Variants in MTMR12 observed in about 807,000 individuals in gnomAD.
MTMR12 encodes myotubularin-related protein 12.
A neutral mutation model predicts 96.7 loss-of-function variants in MTMR12; 33 were observed. The observed-to-expected ratio is 0.34, with a 90% CI of 0.26 to 0.46. The LOEUF is 0.46. MTMR12 is among the 20% of genes least tolerant of loss of function. The probability of loss-of-function intolerance (pLI) is 1.00; values close to 1 mark genes in which losing one functional copy is unlikely to be tolerated. For synonymous variants in MTMR12, 298 were observed against 327.2 expected (o/e 0.91, Z 0.96); for missense variants, 721 against 896.1 (o/e 0.80, Z 2.49).
At chr5:32,308,124 C>A (rs1486199358) in intron 1 of MTMR12, among the ~76,000 whole-genome samples, 1 of 152,128 alleles carries the variant, frequency 6.6e-6, no homozygotes, top group Non-Finnish European at 1.5e-5. Flanking sequence ...GAGTTCGAGA[C>A]CAGCCTGGCC....
Position 32,296,300 on chromosome 5 carries a change from G to A in MTMR12, c.81+16458C>T, listed in dbSNP as rs1166592392. The stretch of plus-strand genomic sequence containing the variant: ...TCGAGATCAGCCTGGGTAACATAGT[G>A]AGACCTTGTTTTTACAAAAAATGAA... On this transcript the variant is annotated intron_variant, in intron 1 of 15. Transcript: ENST00000382142. 1.9e-5 allele frequency: 3 copies of A among 160,722 alleles called. No individual in the cohort carries two copies. In the East Asian group the frequency reaches 5.8e-4, roughly 31 times the overall value. The allele number at this position is 160,722 out of a possible 1,614,324, so 10.0% of individuals were successfully genotyped here.
intron 13 of MTMR12, 62 bp downstream of exon 13, chr5:32,238,939 A>G (rs1748347315): frequency 6.9e-7 from 1 of 1,439,684 alleles, no homozygotes; most frequent in Non-Finnish European, 9.2e-7. Flanking sequence ...GATGACAGGT[A>G]TTAAATAAGA....
At chr5:32,230,435 G>A (rs765361501) in intron 15 of MTMR12, 88 bp from the exon 16 acceptor site, 59 of 1,256,372 alleles carry the variant, frequency 4.7e-5, no homozygotes, top group Non-Finnish European at 5.9e-5. Flanking sequence ...GCATAACCCT[G>A]CTTTAACAAG....
chr5:32,312,813 C>T lies in MTMR12; in HGVS notation c.26G>A (p.Gly9Asp). The T allele has an allele frequency of 1.3e-6, 2 of 1,533,492 alleles. No homozygotes were observed. Among genetic ancestry groups the T allele is most frequent in the South Asian group, 2.4e-5 (2 of 84,572 alleles). 95.0% of individuals were successfully genotyped at this position (1,533,492 alleles called of 1,614,324 possible). Residue 9 changes from glycine to aspartate, a missense_variant, in exon 1 of 16, where the codon GGT becomes GAT. Physicochemically the swap from Gly to Asp is moderately conservative, Grantham distance 94. Coordinates refer to ENST00000382142, the MANE Select transcript of MTMR12 (RefSeq NM_001040446.3). The surrounding 1 kb of genome is among the most constrained non-coding windows in gnomAD (Gnocchi z 5.0). MLGKGVVG[G>D]GGGTKAPKPS... ...CTTGGGGGCCTTGGTGCCGCCGCCA[C>T]CGCCGACTACTCCTTTCCCCAGCAT...
intron 10 of MTMR12, 23 bp downstream of exon 10, chr5:32,247,979 T>C (rs763229714): frequency 5.6e-6 from 9 of 1,607,328 alleles, no homozygotes; most frequent in Admixed American, 5.1e-5. Flanking sequence ...AACACAAAAG[T>C]TTTTGCTCAG....
At chr5:32,230,376 C>T in intron 15 of MTMR12, 29 bp from the exon 16 acceptor site, 1 of 1,558,830 alleles carries the variant, frequency 6.4e-7, no homozygotes. Context: ...ATAAAAATCA[C>T]TGGTTAACAT....
chr5:32,312,874 G>C lies in MTMR12; in HGVS notation c.-36C>G. Reference sequence around the variant, plus strand: ...TGGGAAGCAGCGACGCGCGGACGCAGAGGCGGCGGCTCGGGCTCCAGCTGG... The same window carrying C: ...TGGGAAGCAGCGACGCGCGGACGCACAGGCGGCGGCTCGGGCTCCAGCTGG... On this transcript the variant is annotated 5_prime_UTR_variant, in exon 1 of 16. Transcript: ENST00000382142. This position sits in a 1 kb window ranked among gnomAD's most constrained non-coding sequence, Gnocchi z 5.0. 3 of 1,505,510 alleles carry C rather than the reference G, an allele frequency of 2.0e-6. No individual in the cohort carries two copies. Among genetic ancestry groups the C allele is most frequent in the Non-Finnish European group, 2.6e-6 (3 of 1,132,378 alleles). The allele number at this position is 1,505,510 out of a possible 1,614,324, so 93.3% of individuals were successfully genotyped here.
At chr5:32,256,294 G>A (rs1040608014) in intron 7 of MTMR12, among the ~76,000 whole-genome samples, 1 of 152,150 alleles carries the variant, frequency 6.6e-6, no homozygotes, top group African/African-American at 2.4e-5. Flanking sequence ...TTACCAATAA[G>A]TACTGAACAT....
At chr5:32,246,941 T>C (rs4410651) in intron 10 of MTMR12, among the ~76,000 whole-genome samples, 67,031 of 152,028 alleles carry the variant, frequency 0.44, 15,707 homozygotes, top group African/African-American at 0.59. Flanking sequence ...GGAATTCATG[T>C]GTAGTTTTTT....
chr5:32,234,458 C>A (rs955946830), intron 14 of MTMR12, among the ~76,000 whole-genome samples: 5 of 152,222 alleles, frequency 3.3e-5, no homozygotes, highest in African/African-American at 1.2e-4. Context: ...GCTAGCTTCC[C>A]TGATCTGCTG....
chr5:32,245,165 AGC>A (rs1160761724), intron 10 of MTMR12, among the ~76,000 whole-genome samples: 1 of 152,152 alleles, frequency 6.6e-6, no homozygotes, highest in Non-Finnish European at 1.5e-5. Flanking sequence ...CCTCCGGAGT[AGC>A]TGGCATTACA....
intron 7 of MTMR12, among the ~76,000 whole-genome samples, chr5:32,259,277 T>G (rs1483671214): frequency 6.6e-6 from 1 of 152,232 alleles, no homozygotes; most frequent in East Asian, 1.9e-4. Flanking sequence ...TAGGTCCCTC[T>G]GTGTGGTACA....
At chr5:32,275,538 A>C (rs912501250) in intron 2 of MTMR12, among the ~76,000 whole-genome samples, 4 of 152,196 alleles carry the variant, frequency 2.6e-5, no homozygotes, top group Non-Finnish European at 4.4e-5. Context: ...CCCTCTGCAA[A>C]CATGGCATGT....
At chr5:32,267,630 C>T (rs150011007) in intron 6 of MTMR12, among the ~76,000 whole-genome samples, 1 of 152,220 alleles carries the variant, frequency 6.6e-6, no homozygotes, top group East Asian at 1.9e-4. Flanking sequence ...TATAACTGTC[C>T]CATTTCCCCT....
intron 13 of MTMR12, 36 bp from the exon 14 acceptor site, chr5:32,235,165 A>G (rs1217390941): frequency 6.3e-7 from 1 of 1,584,050 alleles, no homozygotes; most frequent in Non-Finnish European, 8.6e-7. Context: ...TGGTGGGCAG[A>G]GCCCAGAGCA....
chr5:32,297,551 GT>G (rs61395255), intron 1 of MTMR12, among the ~76,000 whole-genome samples: 9,288 of 142,748 alleles, frequency 0.065, 296 homozygotes, highest in East Asian at 0.09. Flanking sequence ...CTGACCTCAG[GT>G]TTTTTTTTTT....
intron 10 of MTMR12, chr5:32,247,691 A>C: frequency 1.1e-6 from 1 of 932,074 alleles, no homozygotes; most frequent in South Asian, 5.0e-5. Flanking sequence ...TAAATACTAC[A>C]TAGTTCAAAA....
chr5:32,233,726 A>T lies in MTMR12; in HGVS notation c.1674+47T>A. ...GTAAGTACCTTTTATCATTACATGC[A>T]CGGGGTCTGGGCAGCTGAAGGGGGT... On this transcript the variant is annotated intron_variant, in intron 15 of 15. Coordinates refer to ENST00000382142, the MANE Select transcript of MTMR12 (RefSeq NM_001040446.3). This position sits in a 1 kb window ranked among gnomAD's most constrained non-coding sequence, Gnocchi z 5.0. The T allele has an allele frequency of 6.2e-7, 1 of 1,612,620 alleles. No homozygotes were observed. Among genetic ancestry groups the T allele is most frequent in the Non-Finnish European group, 8.5e-7 (1 of 1,178,852 alleles).
Position 32,233,587 on chromosome 5 carries a change from C to T in MTMR12, c.1674+186G>A, listed in dbSNP as rs1289151527. On this transcript the variant is annotated intron_variant, in intron 15 of 15. Transcript: ENST00000382142. The surrounding 1 kb of genome is among the most constrained non-coding windows in gnomAD (Gnocchi z 5.0). ...GGCAAATGGCCCTGTTGTACCAGGG[C>T]AAAGGTGATTTGCTGAAAGCAAAGG... Among the ~76,000 whole-genome samples, 3 of 152,098 alleles carry T rather than the reference C, an allele frequency of 2.0e-5. No individual in the cohort carries two copies. The highest frequency in any genetic ancestry group is 4.4e-5 in the Non-Finnish European group (3 of 68,030).
Sources: allele counts gnomAD v4.1 joint callset (sites outside exome capture counted in the v4.1 genomes callset), GRCh38; gene constraint gnomAD v4.1.1; non-coding constraint Gnocchi (gnomAD v3.1); transcripts MANE v1.5; gene names NCBI Gene and HGNC (gene_info 2026-07-23, HGNC 2026-07-21).